NDE1: variants seen among roughly 807,000 people sequenced by gnomAD.
NDE1 encodes nudE neurodevelopment protein 1.
Under a neutral mutation model 43.4 loss-of-function variants are expected in NDE1, and 28 were observed. The ratio of observed to expected loss-of-function variants is 0.65; its 90% confidence interval spans 0.48 to 0.89. The LOEUF (loss-of-function observed/expected upper bound fraction) is 0.89. Ranked by LOEUF, NDE1 falls within the 40% of genes least tolerant of loss-of-function variation. The pLI is 0.00. For missense variants in NDE1, 441 were observed against 434.1 expected (o/e 1.02, Z -0.14); for synonymous variants, 184 against 172.0 (o/e 1.07, Z -0.55).
chr16:15,692,452 C>T (rs1010149090), intron 6 of NDE1, among the ~76,000 whole-genome samples: 5 of 152,184 alleles, frequency 3.3e-5, no homozygotes, highest in African/African-American at 9.7e-5. Context: ...CTCTGTTGCC[C>T]AGGCTGGAGT....
chr16:15,664,991 G>A, intron 2 of NDE1, 130 bp downstream of exon 2: 1 of 704,212 alleles, frequency 1.4e-6, no homozygotes, highest in South Asian at 1.7e-5. Flanking sequence ...AAACTCCTGG[G>A]CTTAAGCGAT....
chr16:15,720,283 G>A lies in NDE1; in HGVS notation c.948-3908G>A, dbSNP rs749424185. 63 of 1,613,916 alleles carry A rather than the reference G, an allele frequency of 3.9e-5. 3 individuals carry two copies. The South Asian group carries it at 6.0e-4, about 15-fold the overall frequency. ...CTGCCAGGGCACGTTGCTTTCGCTCGTCTTCCAGTTCCGTCTCATACTCGT... is the reference window on the plus strand; with the variant it reads ...CTGCCAGGGCACGTTGCTTTCGCTCATCTTCCAGTTCCGTCTCATACTCGT... On this transcript the variant is annotated intron_variant, in intron 8 of 8. Coordinates refer to ENST00000396354, the MANE Select transcript of NDE1 (RefSeq NM_017668.3).
chr16:15,673,163 G>A (rs2037687147), intron 3 of NDE1, among the ~76,000 whole-genome samples: 1 of 152,000 alleles, frequency 6.6e-6, no homozygotes, highest in South Asian at 2.1e-4. Flanking sequence ...TTTCTTGTGG[G>A]AAGTGTTTTC....
At chr16:15,717,161 T>C in intron 8 of NDE1, 1 of 1,614,160 alleles carries the variant, frequency 6.2e-7, no homozygotes, top group East Asian at 2.2e-5. Context: ...CTCGACCTGC[T>C]CCTCCAGCTG....
At chr16:15,714,859 C>G in intron 8 of NDE1, 2 of 1,609,504 alleles carry the variant, frequency 1.2e-6, no homozygotes, top group African/African-American at 1.3e-5. Context: ...GCCCCCAGTG[C>G]TTTTCTCTGG....
intron 1 of NDE1, among the ~76,000 whole-genome samples, chr16:15,656,061 A>G (rs1383066115): frequency 6.6e-6 from 1 of 151,514 alleles, no homozygotes; most frequent in Non-Finnish European, 1.5e-5. Context: ...GCACACCAGC[A>G]TGGCACATGT....
chr16:15,646,104 A>G (rs956030778), upstream of NDE1, among the ~76,000 whole-genome samples: 1 of 152,236 alleles, frequency 6.6e-6, no homozygotes, highest in African/African-American at 2.4e-5. Context: ...TATTATTTCA[A>G]TGCCCTCTCT....
intron 1 of NDE1, chr16:15,651,430 G>A (rs978319430): frequency 7.9e-6 from 1 of 126,316 alleles, no homozygotes; most frequent in Admixed American, 8.3e-5. Context: ...TATACAACCC[G>A]TTTTTTTTTT....
chr16:15,694,024 C>T (rs1596630541), intron 6 of NDE1, 141 bp from the exon 7 acceptor site: 3 of 1,004,944 alleles, frequency 3.0e-6, no homozygotes, highest in East Asian at 2.6e-5. Context: ...CGGTTAACTA[C>T]GGAAAGAAAT....
At chr16:15,648,401 GA>G (rs1232502821), upstream of NDE1, among the ~76,000 whole-genome samples, 1 of 152,000 alleles carries the variant, frequency 6.6e-6, no homozygotes, top group Non-Finnish European at 1.5e-5. Flanking sequence ...AGAAAATAAA[GA>G]AAAAAAGAAA....
intron 8 of NDE1, chr16:15,702,027 C>G (rs1483488247): frequency 1.3e-5 from 2 of 152,040 alleles, no homozygotes; most frequent in Non-Finnish European, 2.9e-5. Flanking sequence ...ATGAAAAAAT[C>G]TTTTTGAAAA....
At chr16:15,660,163 G>A (rs1001299533) in intron 1 of NDE1, among the ~76,000 whole-genome samples, 1 of 152,002 alleles carries the variant, frequency 6.6e-6, no homozygotes, top group Non-Finnish European at 1.5e-5. Context: ...TATACAAACC[G>A]TTAGCCCAAC....
At chr16:15,710,873 T>C (rs7203223) in intron 8 of NDE1, among the ~76,000 whole-genome samples, 5,178 of 152,172 alleles carry the variant, frequency 0.034, 126 homozygotes, top group South Asian at 0.094. Context: ...AGATGAAGTT[T>C]CACCATGTTG....
chr16:15,685,809 C>G (rs2038407704), intron 4 of NDE1, among the ~76,000 whole-genome samples: 1 of 152,092 alleles, frequency 6.6e-6, no homozygotes, highest in Non-Finnish European at 1.5e-5. Context: ...GGTTCCTCTC[C>G]AAACACGTGC....
chr16:15,667,141 G>C, intron 2 of NDE1, 145 bp from the exon 3 acceptor site: 1 of 929,302 alleles, frequency 1.1e-6, no homozygotes, highest in Non-Finnish European at 1.8e-6. Context: ...AGCTACTCGG[G>C]AGACTGAGGC....
At chr16:15,716,673 C>T (rs1356375145) in intron 8 of NDE1, among the ~76,000 whole-genome samples, 1 of 152,170 alleles carries the variant, frequency 6.6e-6, no homozygotes, top group Non-Finnish European at 1.5e-5. Flanking sequence ...AGGCATGTGC[C>T]ACCACACTCG....
Position 15,724,377 on chromosome 16 carries a change from A to G in NDE1, c.*126A>G, listed in dbSNP as rs1205492849. The G allele has an allele frequency of 6.2e-7, 1 of 1,613,970 alleles. No homozygotes were observed. Among genetic ancestry groups the G allele is most frequent in the Non-Finnish European group, 8.5e-7 (1 of 1,180,030 alleles). On this transcript the variant is annotated 3_prime_UTR_variant, in exon 9 of 9. Coordinates refer to ENST00000396354, the MANE Select transcript of NDE1 (RefSeq NM_017668.3). ...CTTCCAGAGCTTCCACGGTGCTGGCAAAGTCCTGCAGCTTCTTCTTCGAGT... is the reference window on the plus strand; with the variant it reads ...CTTCCAGAGCTTCCACGGTGCTGGCGAAGTCCTGCAGCTTCTTCTTCGAGT...
intron 8 of NDE1, 128 bp from the exon 9 acceptor site, chr16:15,724,063 G>T (rs527969792): frequency 1.9e-6 from 3 of 1,586,628 alleles, no homozygotes; most frequent in African/African-American, 2.7e-5. Context: ...GTGGAGAGGG[G>T]ATGCAGGCAC....
chr16:15,665,204 C>G (rs2037241259), intron 2 of NDE1, among the ~76,000 whole-genome samples: 1 of 151,920 alleles, frequency 6.6e-6, no homozygotes, highest in Non-Finnish European at 1.5e-5. Context: ...GAACAGCAAC[C>G]ATTTATTGCA....
Sources: gnomAD v4.1 joint callset for allele counts (sites outside exome capture counted in the v4.1 genomes callset) on GRCh38, gnomAD v4.1.1 for gene constraint, MANE v1.5 for transcripts, NCBI Gene and HGNC (gene_info 2026-07-23, HGNC 2026-07-21) for gene names.